The following LRRC52 variants were observed in gnomAD, a reference collection of about 807,000 sequenced individuals.
LRRC52 encodes leucine rich repeat containing 52, also known as leucine-rich repeat-containing protein 52.
In LRRC52, 15 loss-of-function variants were observed where a neutral mutation model predicts 14.7. The observed-to-expected ratio is 1.02, with a 90% CI of 0.68 to 1.58. The LOEUF is 1.58. Among genes scored for constraint, LRRC52 ranks in the 40% most tolerant of loss-of-function variants. The pLI, the probability that LRRC52 is intolerant of heterozygous loss-of-function variation, is 0.00. For synonymous variants in LRRC52, 180 were observed against 163.9 expected (o/e 1.10, Z -0.75); for missense variants, 400 against 387.7 (o/e 1.03, Z -0.27).
Position 165,544,385 on chromosome 1 carries a change from G to A in LRRC52, c.89G>A (p.Cys30Tyr), listed in dbSNP as rs775599204. The A allele has an allele frequency of 7.4e-6, 12 of 1,613,960 alleles. No homozygotes were observed. Among genetic ancestry groups the A allele is most frequent in the South Asian group, 1.1e-5 (1 of 91,074 alleles). Reference protein sequence around the residue: ...LVSGSKCPNNCLCQAQEVICT... With the variant: ...LVSGSKCPNNYLCQAQEVICT... ...TCAGGGTCAAAGTGTCCAAATAATT[G>A]TCTGTGTCAAGCCCAAGAAGTAATC... is the stretch of plus-strand genomic sequence containing the variant. Residue 30 changes from cysteine to tyrosine, a missense_variant, in exon 1 of 2, where the codon TGT becomes TAT. Physicochemically the swap from Cys to Tyr is radical, Grantham distance 194 (BLOSUM62 -2). Transcript: ENST00000294818.
intron 1 of LRRC52, among the ~76,000 whole-genome samples, chr1:165,554,162 G>T (rs184051231): frequency 2.6e-5 from 4 of 152,276 alleles, no homozygotes; most frequent in East Asian, 1.9e-4. Flanking sequence ...CCCACATGAA[G>T]ATTTTAGAAC....
At chr1:165,550,302 AC>A (rs1317854153) in intron 1 of LRRC52, among the ~76,000 whole-genome samples, 2 of 152,172 alleles carry the variant, frequency 1.3e-5, no homozygotes, top group African/African-American at 4.8e-5. Context: ...ATTCCCCTCT[AC>A]CCGCAAAGTC....
chr1:165,550,072 T>C (rs1260384092), intron 1 of LRRC52, among the ~76,000 whole-genome samples: 2 of 152,242 alleles, frequency 1.3e-5, no homozygotes, highest in Non-Finnish European at 2.9e-5. Flanking sequence ...CACATTCCAT[T>C]TCCTTTCTGG....
At chr1:165,562,829 C>T (rs1046536550) in intron 1 of LRRC52, among the ~76,000 whole-genome samples, 2 of 151,440 alleles carry the variant, frequency 1.3e-5, no homozygotes, top group African/African-American at 4.8e-5. Flanking sequence ...AACATCACCA[C>T]CAAGAAGCAG....
At chr1:165,563,333 G>C (rs1338168321) in intron 1 of LRRC52, among the ~76,000 whole-genome samples, 172 bp from the exon 2 acceptor site, 1 of 152,186 alleles carries the variant, frequency 6.6e-6, no homozygotes, top group Non-Finnish European at 1.5e-5. Context: ...GGTCACAGGT[G>C]GGTCCTGAGA....
chr1:165,561,289 T>A (rs1050403722), intron 1 of LRRC52, among the ~76,000 whole-genome samples: 1 of 152,226 alleles, frequency 6.6e-6, no homozygotes, highest in Non-Finnish European at 1.5e-5. Context: ...CCAATCTTTT[T>A]AAAAATAGAA....
rs914836634 is a variant in LRRC52 at position 165,556,379 on chromosome 1, T to G, written c.623-7126T>G. Among the ~76,000 whole-genome samples the G allele has an allele frequency of 2.3e-4, 22 of 96,638 alleles. No homozygotes were observed. In the East Asian group the frequency reaches 3.8e-3, roughly 17 times the overall value. The allele number at this position is 96,638 out of a possible 152,430, so 63.4% of individuals were successfully genotyped here. On this transcript the variant is annotated intron_variant, in intron 1 of 1. Transcript: ENST00000294818. ...TTAACCTTTAAAAATCTATAGACTC[T>G]ATATACAAGGGGGGGAAATTGTGAA... is the stretch of plus-strand genomic sequence containing the variant.
intron 1 of LRRC52, among the ~76,000 whole-genome samples, chr1:165,553,312 A>G (rs983299007): frequency 8.5e-5 from 13 of 152,234 alleles, no homozygotes; most frequent in African/African-American, 3.1e-4. Context: ...AAGTGGGAGC[A>G]GGTCAGATAA....
rs1317573870 is a variant in LRRC52 at position 165,544,823 on chromosome 1, T to C, written c.527T>C (p.Leu176Pro). ...DSAALYHLTT[L>P]ETLFLSGNPW... ...GCTGCCTTATACCACCTCACTACTC[T>C]GGAGACCCTGTTTCTGAGTGGAAAC... is the stretch of plus-strand genomic sequence containing the variant. The change falls in exon 1 of 2, where the codon CTG becomes CCG. Residue 176 changes from leucine (L) to proline (P), a missense_variant. Transcript: ENST00000294818. The C allele has an allele frequency of 6.2e-6, 10 of 1,613,944 alleles. No individual in the cohort carries two copies. The highest frequency in any genetic ancestry group is 8.5e-6 in the Non-Finnish European group (10 of 1,180,036).
chr1:165,552,991 G>A (rs1329083105), intron 1 of LRRC52, among the ~76,000 whole-genome samples: 1 of 152,186 alleles, frequency 6.6e-6, no homozygotes, highest in Non-Finnish European at 1.5e-5. Context: ...ACCTTACTGA[G>A]TGGGAAGTCC....
At chr1:165,548,350 A>G (rs1042172107) in intron 1 of LRRC52, among the ~76,000 whole-genome samples, 3 of 152,158 alleles carry the variant, frequency 2.0e-5, no homozygotes, top group African/African-American at 4.8e-5. Context: ...AGTGCCTACT[A>G]TGTGCCAAAC....
intron 1 of LRRC52, among the ~76,000 whole-genome samples, chr1:165,551,984 A>G (rs1661140278): frequency 6.6e-6 from 1 of 151,002 alleles, no homozygotes; most frequent in Admixed American, 6.6e-5. Context: ...AAAAAGAAAA[A>G]AAAAAAAAAA....
chr1:165,544,596 C>A lies in LRRC52; in HGVS notation c.300C>A (p.Val100=). 1 of 1,613,932 alleles carries A rather than the reference C, an allele frequency of 6.2e-7. No individual in the cohort carries two copies. The highest frequency in any genetic ancestry group is 8.5e-7 in the Non-Finnish European group (1 of 1,180,004). ...REVMDYTFIG[V]FKLIYLDLSS... ...TGATGGATTATACCTTCATCGGGGTCTTCAAACTCATCTACCTTGACCTCA... is the reference window on the plus strand; with the variant it reads ...TGATGGATTATACCTTCATCGGGGTATTCAAACTCATCTACCTTGACCTCA... The change falls in exon 1 of 2, where the codon GTC becomes GTA. Residue 100 remains valine (V), a synonymous_variant. Coordinates refer to ENST00000294818, the MANE Select transcript of LRRC52 (RefSeq NM_001005214.4).
chr1:165,557,867 G>A (rs372847950), intron 1 of LRRC52, among the ~76,000 whole-genome samples: 3 of 152,118 alleles, frequency 2.0e-5, no homozygotes, highest in Non-Finnish European at 2.9e-5. Context: ...CTGCCTAGAT[G>A]CTCACCCCTC....
Position 165,544,109 on chromosome 1 carries a change from C to A in LRRC52, c.-188C>A. ...GCGACAGAGCCACCAAGCTGGGCGGCAGGGCATTGAGCCTCGCGTTTCAAT... is the reference window on the plus strand; with the variant it reads ...GCGACAGAGCCACCAAGCTGGGCGGAAGGGCATTGAGCCTCGCGTTTCAAT... On this transcript the variant is annotated 5_prime_UTR_variant, in exon 1 of 2. Transcript: ENST00000294818. 1 of 697,896 alleles carries A rather than the reference C, an allele frequency of 1.4e-6. No individual in the cohort carries two copies. The highest frequency in any genetic ancestry group is 2.3e-6 in the Non-Finnish European group (1 of 427,428). 43.2% of individuals were successfully genotyped at this position (697,896 alleles called of 1,614,324 possible).
chr1:165,562,978 A>G (rs1661380358), intron 1 of LRRC52, among the ~76,000 whole-genome samples: 1 of 152,020 alleles, frequency 6.6e-6, no homozygotes, highest in Admixed American at 6.5e-5. Flanking sequence ...AGTGGCTTGC[A>G]ATGCTCTCGG....
At chr1:165,555,483 G>C (rs552692336) in intron 1 of LRRC52, among the ~76,000 whole-genome samples, 1 of 152,298 alleles carries the variant, frequency 6.6e-6, no homozygotes, top group African/African-American at 2.4e-5. Flanking sequence ...AGAGGCTTTT[G>C]ATTTTATTCT....
chr1:165,547,768 A>T (rs758898379), intron 1 of LRRC52, among the ~76,000 whole-genome samples: 6 of 152,232 alleles, frequency 3.9e-5, no homozygotes, highest in Non-Finnish European at 8.8e-5. Context: ...ACATACACAC[A>T]CATAAATGTA....
chr1:165,544,220 C>G lies in LRRC52; in HGVS notation c.-77C>G. The G allele has an allele frequency of 2.3e-6, 3 of 1,280,308 alleles. No individual in the cohort carries two copies. Among genetic ancestry groups the G allele is most frequent in the Non-Finnish European group, 2.1e-6 (2 of 939,062 alleles). 79.3% of individuals were successfully genotyped at this position (1,280,308 alleles called of 1,614,324 possible). On this transcript the variant is annotated 5_prime_UTR_variant, in exon 1 of 2. Coordinates refer to ENST00000294818, the MANE Select transcript of LRRC52 (RefSeq NM_001005214.4). ...TTTCCAGAGCCCCTCCCCCGCCCCA[C>G]CCCCCCACCGGCAGCCTTCGGATCA...
Sources: gnomAD v4.1 joint callset for allele counts (sites outside exome capture counted in the v4.1 genomes callset) on GRCh38, gnomAD v4.1.1 for gene constraint, MANE v1.5 for transcripts, NCBI Gene and HGNC (gene_info 2026-07-23, HGNC 2026-07-21) for gene names.